ZNF385D: variants seen among roughly 807,000 people sequenced by gnomAD.
ZNF385D encodes zinc finger protein 385D, also known as zinc finger protein 659.
A neutral mutation model predicts 35.8 loss-of-function variants in ZNF385D; 15 were observed. The observed-to-expected ratio is 0.42, with a 90% CI of 0.28 to 0.64. The LOEUF (loss-of-function observed/expected upper bound fraction) is 0.64, where lower values mean the gene tolerates loss of function less well. ZNF385D is among the 30% of genes least tolerant of loss of function. The pLI, the probability that ZNF385D is intolerant of heterozygous loss-of-function variation, is 0.23. For missense variants in ZNF385D, 474 were observed against 494.6 expected, an observed-to-expected ratio of 0.96 and a Z score of 0.39; for synonymous variants, 212 against 186.8, an observed-to-expected ratio of 1.13 and a Z score of -1.10.
chr3:21,764,209 C>A (rs1216431911), intron 3 of ZNF385D, among the ~76,000 whole-genome samples: 1 of 151,916 alleles, frequency 6.6e-6, no homozygotes, highest in African/African-American at 2.4e-5. Context: ...ATGCAAAGAC[C>A]CAGAGGATAA....
chr3:21,564,824 A>C, intron 2 of ZNF385D, 140 bp from the exon 3 acceptor site: 2 of 420,896 alleles, frequency 4.8e-6, no homozygotes, highest in Non-Finnish European at 8.3e-6. Context: ...TATTCTAAGA[A>C]ACAACATTTT....
At chr3:22,125,805 C>T (rs1414389133) in intron 3 of ZNF385D, among the ~76,000 whole-genome samples, 1 of 151,984 alleles carries the variant, frequency 6.6e-6, no homozygotes, top group Non-Finnish European at 1.5e-5. Flanking sequence ...CAATTCTCAT[C>T]ATTTTTTGGT....
intron 3 of ZNF385D, among the ~76,000 whole-genome samples, chr3:22,096,120 TA>T (rs556494604): frequency 2.0e-5 from 3 of 147,718 alleles, no homozygotes; most frequent in East Asian, 3.9e-4. Context: ...TCATATAAGG[TA>T]AAAAAAATAT....
Position 21,967,800 on chromosome 3 carries a change from G to A in ZNF385D, c.325+201017C>T, listed in dbSNP as rs150374924. ...TGAGGTTCCTAAAAGAGATTGGGAG[G>A]AAGTTGGAGTAAGATGGCTGAACAG... On this transcript the variant is annotated intron_variant, in intron 3 of 5. Transcript: ENST00000494108. 9.4e-3 allele frequency among the ~76,000 whole-genome samples: 1,429 copies of A among 152,306 alleles called. 28 individuals are homozygous for A. Among genetic ancestry groups the A allele is most frequent in the African/African-American group, 0.031 (1,299 of 41,556 alleles).
intron 3 of ZNF385D, among the ~76,000 whole-genome samples, chr3:21,787,512 C>T (rs2071742515): frequency 6.6e-6 from 1 of 152,050 alleles, no homozygotes; most frequent in African/African-American, 2.4e-5. Context: ...CACACACTGT[C>T]CTATGGAAGA....
intron 3 of ZNF385D, among the ~76,000 whole-genome samples, chr3:21,758,312 G>T (rs2070438588): frequency 6.6e-6 from 1 of 152,188 alleles, no homozygotes; most frequent in Non-Finnish European, 1.5e-5. Flanking sequence ...GCATCCCATA[G>T]GCATGGCCTA....
chr3:22,306,597 C>T (rs1015499623), intron 2 of ZNF385D, among the ~76,000 whole-genome samples: 2 of 152,054 alleles, frequency 1.3e-5, no homozygotes, highest in South Asian at 4.1e-4. Context: ...TAAGGCTGAC[C>T]AGGAAGAAGT....
chr3:22,342,007 G>A (rs1421248493), intron 2 of ZNF385D, among the ~76,000 whole-genome samples: 2 of 152,030 alleles, frequency 1.3e-5, no homozygotes, highest in Admixed American at 1.3e-4. Flanking sequence ...CGGGCGCGGT[G>A]GCTCACGTCT....
chr3:22,181,775 G>C (rs938023058), intron 2 of ZNF385D, among the ~76,000 whole-genome samples: 4 of 151,416 alleles, frequency 2.6e-5, no homozygotes, highest in African/African-American at 9.7e-5. Flanking sequence ...CAAAAAGATA[G>C]TAATGCCCAT....
chr3:21,789,055 A>T (rs1192833852), intron 3 of ZNF385D, among the ~76,000 whole-genome samples: 1 of 152,246 alleles, frequency 6.6e-6, no homozygotes, highest in Non-Finnish European at 1.5e-5. Flanking sequence ...GCAAGAAAAA[A>T]AAATTAAGAC....
chr3:21,979,887 C>G (rs1404131150), intron 3 of ZNF385D: 1 of 152,122 alleles, frequency 6.6e-6, no homozygotes, highest in Non-Finnish European at 1.5e-5. Flanking sequence ...GTTGTGGTGG[C>G]CTTAAAATTC....
upstream of ZNF385D, among the ~76,000 whole-genome samples, chr3:21,754,531 T>A (rs2070251000): frequency 6.6e-6 from 1 of 152,198 alleles, no homozygotes; most frequent in Non-Finnish European, 1.5e-5. Context: ...TTCTGTGTTC[T>A]AAGATCCGGG....
At chr3:22,091,749 A>T (rs543363420) in intron 3 of ZNF385D, among the ~76,000 whole-genome samples, 1 of 152,308 alleles carries the variant, frequency 6.6e-6, no homozygotes, top group South Asian at 2.1e-4. Context: ...ATCTTTCAAG[A>T]CTAAGAAGTC....
At chr3:21,745,695 G>A (rs927319911) in intron 1 of ZNF385D, among the ~76,000 whole-genome samples, 5 of 152,210 alleles carry the variant, frequency 3.3e-5, no homozygotes, top group African/African-American at 1.2e-4. Flanking sequence ...AGAGAGGGCA[G>A]GGACTATGAC....
chr3:22,328,814 G>C (rs1377982066), intron 2 of ZNF385D, among the ~76,000 whole-genome samples: 1 of 151,442 alleles, frequency 6.6e-6, no homozygotes, highest in Non-Finnish European at 1.5e-5. Context: ...GGTGGCTCAC[G>C]CCTGTAATCC....
chr3:21,941,537 C>A (rs4340722), intron 3 of ZNF385D, among the ~76,000 whole-genome samples: 36,030 of 140,598 alleles, frequency 0.26, 5,323 homozygotes, highest in Admixed American at 0.41. Flanking sequence ...TCACTCTGTC[C>A]CGCAGGCTGG....
chr3:21,470,436 G>C (rs559979292), intron 4 of ZNF385D, among the ~76,000 whole-genome samples: 34 of 152,178 alleles, frequency 2.2e-4, no homozygotes, highest in Non-Finnish European at 1.8e-4. Context: ...AGTAAAAAAT[G>C]AGAAAACATT....
rs887903548 is a variant in ZNF385D at position 21,420,335 on chromosome 3, G to T, written c.*879C>A. On this transcript the variant is annotated 3_prime_UTR_variant, in exon 8 of 8. Coordinates refer to ENST00000281523, the MANE Select transcript of ZNF385D (RefSeq NM_024697.3). ...ATCCTTGAAATAGAAGAGTTGTATT[G>T]ATTTCTTTCTTAACACTCATGATGC... 6.6e-6 allele frequency: 1 copy of T among 152,108 alleles called. No homozygotes were observed. Among genetic ancestry groups the T allele is most frequent in the Admixed American group, 6.5e-5 (1 of 15,268 alleles). The allele number at this position is 152,108 out of a possible 1,614,324, so 9.4% of individuals were successfully genotyped here.
chr3:22,355,630 G>A (rs1696115810), intron 2 of ZNF385D, among the ~76,000 whole-genome samples: 1 of 151,772 alleles, frequency 6.6e-6, no homozygotes, highest in African/African-American at 2.4e-5. Context: ...GCCAATGTTA[G>A]CAAGATGATG....
Sources: gnomAD v4.1 joint callset for allele counts (sites outside exome capture counted in the v4.1 genomes callset) on GRCh38, gnomAD v4.1.1 for gene constraint, MANE v1.5 for transcripts, NCBI Gene and HGNC (gene_info 2026-07-23, HGNC 2026-07-21) for gene names.